The following RIMS2 variants were observed in gnomAD, a reference collection of about 807,000 sequenced individuals.
RIMS2 encodes regulating synaptic membrane exocytosis protein 2.
Under a neutral mutation model 174.4 loss-of-function variants are expected in RIMS2, and 59 were observed. The observed-to-expected ratio is 0.34, with a 90% CI of 0.27 to 0.42. RIMS2 has a LOEUF of 0.42. RIMS2 is among the 10% of genes least tolerant of loss of function. RIMS2 has a pLI of 1.00. For missense variants in RIMS2, 1,620 were observed against 1,666.3 expected (o/e 0.97, Z 0.48); for synonymous variants, 606 against 572.5 (o/e 1.06, Z -0.84).
intron 1 of RIMS2, among the ~76,000 whole-genome samples, chr8:103,607,098 G>A (rs1175460011): frequency 5.9e-5 from 9 of 152,054 alleles, no homozygotes; most frequent in African/African-American, 7.2e-5. Flanking sequence ...TCCTAGTCTC[G>A]ATGGTCTTTA....
chr8:103,652,788 T>A (rs1282832929), intron 1 of RIMS2, 78 bp downstream of exon 3: 1 of 873,938 alleles, frequency 1.1e-6, no homozygotes, highest in Non-Finnish European at 1.6e-6. Context: ...TAAAATACTG[T>A]CCTTGAAATA....
At chr8:104,240,453 A>G (rs2099281087) in intron 19 of RIMS2, among the ~76,000 whole-genome samples, 3 of 152,224 alleles carry the variant, frequency 2.0e-5, no homozygotes, top group Admixed American at 2.0e-4. Flanking sequence ...TGTGGTGCTG[A>G]AAAATAAATT....
At chr8:103,916,908 A>C (rs1279605746) in intron 8 of RIMS2, among the ~76,000 whole-genome samples, 1 of 152,156 alleles carries the variant, frequency 6.6e-6, no homozygotes, top group Non-Finnish European at 1.5e-5. Context: ...GGGCCAAAGG[A>C]CATACAATTC....
chr8:104,165,694 GT>G (rs2098792663), intron 19 of RIMS2, among the ~76,000 whole-genome samples: 1 of 149,856 alleles, frequency 6.7e-6, no homozygotes, highest in South Asian at 2.1e-4. Flanking sequence ...GTTTTATCCT[GT>G]TTTTCAGTGA....
intron 1 of RIMS2, among the ~76,000 whole-genome samples, chr8:103,685,149 T>C (rs1317784774): frequency 6.6e-6 from 1 of 152,040 alleles, no homozygotes; most frequent in Non-Finnish European, 1.5e-5. Context: ...TTAGTCTGTT[T>C]TGCATTGCTA....
chr8:103,844,000 C>T (rs1298132749), intron 3 of RIMS2, among the ~76,000 whole-genome samples: 1 of 152,138 alleles, frequency 6.6e-6, no homozygotes, highest in East Asian at 1.9e-4. Flanking sequence ...AAATAAGTCT[C>T]ACGAGATCTG....
At chr8:104,062,250 A>G (rs770286894) in intron 19 of RIMS2, among the ~76,000 whole-genome samples, 10 of 152,120 alleles carry the variant, frequency 6.6e-5, no homozygotes, top group South Asian at 2.1e-4. Flanking sequence ...CAAAAAATAC[A>G]ACAATTAGCT....
Position 103,975,520 on chromosome 8 carries a change from C to G in RIMS2, c.2927+14C>G. Reference sequence around the variant, plus strand: ...TCCTCCACAAAGGTAAGATAGACTACTTATTTTATTTGTAGGGTGGCTGTA... The same window carrying G: ...TCCTCCACAAAGGTAAGATAGACTAGTTATTTTATTTGTAGGGTGGCTGTA... On this transcript the variant is annotated intron_variant, in intron 16 of 23. Transcript: ENST00000504942. 1 of 1,603,038 alleles carries G rather than the reference C, an allele frequency of 6.2e-7. No homozygotes were observed. The highest frequency in any genetic ancestry group is 8.5e-7 in the Non-Finnish European group (1 of 1,170,970).
At chr8:104,020,064 A>G (rs533016920) in intron 19 of RIMS2, among the ~76,000 whole-genome samples, 1 of 152,220 alleles carries the variant, frequency 6.6e-6, no homozygotes, top group East Asian at 1.9e-4. Flanking sequence ...AAGCATAACC[A>G]TATACTATAA....
intron 1 of RIMS2, among the ~76,000 whole-genome samples, chr8:103,627,500 G>A (rs909605914): frequency 2.0e-5 from 3 of 152,200 alleles, no homozygotes; most frequent in Non-Finnish European, 2.9e-5. Flanking sequence ...ATTGATTGGG[G>A]AAGTGATAAA....
intron 19 of RIMS2, among the ~76,000 whole-genome samples, chr8:104,033,473 T>C (rs1292077395): frequency 1.3e-5 from 2 of 152,036 alleles, no homozygotes; most frequent in African/African-American, 4.8e-5. Flanking sequence ...ATAAGTTACA[T>C]TGTATATTAA....
chr8:103,834,100 T>A (rs1400045936), intron 3 of RIMS2, among the ~76,000 whole-genome samples: 1 of 152,006 alleles, frequency 6.6e-6, no homozygotes, highest in Non-Finnish European at 1.5e-5. Flanking sequence ...GCCTCAACCC[T>A]CTGGGCTCAA....
intron 19 of RIMS2, among the ~76,000 whole-genome samples, chr8:104,222,114 T>G (rs2099158120): frequency 6.6e-6 from 1 of 152,236 alleles, no homozygotes; most frequent in Non-Finnish European, 1.5e-5. Context: ...CAACTCTTTT[T>G]GAATTGCAGT....
chr8:103,857,429 T>G (rs1366525766), intron 3 of RIMS2, among the ~76,000 whole-genome samples: 2 of 152,134 alleles, frequency 1.3e-5, no homozygotes, highest in African/African-American at 2.4e-5. Flanking sequence ...AAACTGTTAC[T>G]CAATATTTAA....
intron 16 of RIMS2, among the ~76,000 whole-genome samples, chr8:103,981,258 T>C (rs2093881452): frequency 6.6e-6 from 1 of 152,140 alleles, no homozygotes; most frequent in African/African-American, 2.4e-5. Context: ...TCCATTTGTC[T>C]GGGAGAAAGT....
rs142974608 is a variant in RIMS2 at position 103,566,497 on chromosome 8, CAT to C, written c.176+65436_176+65437del. Among the ~76,000 whole-genome samples, 942 of 152,292 alleles carry C rather than the reference CAT, an allele frequency of 6.2e-3. 12 individuals are homozygous for C. Among genetic ancestry groups the C allele is most frequent in the African/African-American group, 0.021 (890 of 41,554 alleles). On this transcript the variant is annotated intron_variant, in intron 1 of 23. Coordinates refer to ENST00000504942, the Ensembl canonical transcript of RIMS2. ...TTTGTTGGGAAAATGGAGTGTATAA[CAT>C]GTGTACTCTCAGTTTTTCTACTTTC...
intron 3 of RIMS2, among the ~76,000 whole-genome samples, chr8:103,788,968 T>A (rs2098470156): frequency 6.6e-6 from 1 of 152,224 alleles, no homozygotes; most frequent in African/African-American, 2.4e-5. Flanking sequence ...GGATATAATC[T>A]CGTGGTGCGC....
chr8:104,160,667 C>G (rs2098755572), intron 19 of RIMS2, among the ~76,000 whole-genome samples: 1 of 152,074 alleles, frequency 6.6e-6, no homozygotes, highest in African/African-American at 2.4e-5. Flanking sequence ...GTATTTTAAT[C>G]ATTTCCCTAA....
chr8:103,890,124 T>G (rs955202595), intron 4 of RIMS2, among the ~76,000 whole-genome samples: 26 of 152,028 alleles, frequency 1.7e-4, no homozygotes, highest in African/African-American at 5.8e-4. Flanking sequence ...TAATGTTCTG[T>G]GATAGTTAAG....
Sources: gnomAD v4.1 joint callset for allele counts (sites outside exome capture counted in the v4.1 genomes callset) on GRCh38, gnomAD v4.1.1 for gene constraint, MANE v1.5 for transcripts, NCBI Gene and HGNC (gene_info 2026-07-23, HGNC 2026-07-21) for gene names.